PRKN: variants seen among roughly 807,000 people sequenced by gnomAD.
The protein encoded by PRKN is E3 ubiquitin-protein ligase parkin.
A neutral mutation model predicts 59.5 loss-of-function variants in PRKN; 56 were observed. That is an observed-to-expected ratio of 0.94 (90% confidence interval 0.76 to 1.18). The LOEUF (loss-of-function observed/expected upper bound fraction) is 1.18, where lower values mean the gene tolerates loss of function less well. PRKN is among the 50% of genes most tolerant of loss of function. The pLI is 0.00. For missense variants in PRKN, 657 were observed against 596.4 expected (o/e 1.10, Z -1.06); for synonymous variants, 250 against 222.1 (o/e 1.13, Z -1.12).
At chr6:161,961,556 T>C (rs1780378814) in intron 6 of PRKN, among the ~76,000 whole-genome samples, 1 of 152,166 alleles carries the variant, frequency 6.6e-6, no homozygotes, top group African/African-American at 2.4e-5. Context: ...TCTACCACGA[T>C]ACAGTGAAAA....
chr6:162,610,137 T>A (rs1252781056), intron 1 of PRKN, among the ~76,000 whole-genome samples: 1 of 152,206 alleles, frequency 6.6e-6, no homozygotes, highest in African/African-American at 2.4e-5. Flanking sequence ...TTATAAATGC[T>A]CTGCAAATAT....
At chr6:162,642,021 T>G (rs1324725729) in intron 1 of PRKN, among the ~76,000 whole-genome samples, 1 of 152,220 alleles carries the variant, frequency 6.6e-6, no homozygotes, top group Non-Finnish European at 1.5e-5. Context: ...TTGGGACTAG[T>G]CTTGTTTTTT....
chr6:162,188,543 A>C (rs970088368), intron 4 of PRKN, among the ~76,000 whole-genome samples: 7 of 152,194 alleles, frequency 4.6e-5, no homozygotes, highest in African/African-American at 1.7e-4. Context: ...TCCTGGTCCT[A>C]CTTAAGAGCA....
At chr6:162,561,276 T>G (rs1779827221) in intron 1 of PRKN, among the ~76,000 whole-genome samples, 1 of 152,298 alleles carries the variant, frequency 6.6e-6, no homozygotes, top group African/African-American at 2.4e-5. Context: ...GGTCACATTT[T>G]TCATTGTAAA....
rs116259863 is a variant in PRKN, at chr6:162,640,780, G to T, written c.7+86882C>A. 6.0e-3 allele frequency among the ~76,000 whole-genome samples: 912 copies of T among 152,272 alleles called. 10 individuals are homozygous for T. Among genetic ancestry groups the T allele is most frequent in the African/African-American group, 0.021 (867 of 41,568 alleles). On this transcript the variant is annotated intron_variant, in intron 1 of 11. Coordinates refer to ENST00000366898, the MANE Select transcript of PRKN (RefSeq NM_004562.3). ...CTGTGCTTGACAATTCCCTGAAGGG[G>T]CAATGGTTCATAATGCTGGTACAGG... is the stretch of plus-strand genomic sequence containing the variant.
chr6:161,650,684 C>T (rs765054622), intron 7 of PRKN, among the ~76,000 whole-genome samples: 9 of 152,174 alleles, frequency 5.9e-5, no homozygotes, highest in Non-Finnish European at 1.0e-4. Context: ...TGAGGAATTT[C>T]GGCAAATCTC....
At chr6:162,455,069 A>C (rs1790804513) in intron 1 of PRKN, among the ~76,000 whole-genome samples, 2 of 152,344 alleles carry the variant, frequency 1.3e-5, no homozygotes, top group East Asian at 1.9e-4. Context: ...TAACTCTCAT[A>C]GCTCTTCTAC....
chr6:162,522,003 G>A (rs756165896), intron 1 of PRKN, among the ~76,000 whole-genome samples: 39 of 152,210 alleles, frequency 2.6e-4, no homozygotes, highest in Non-Finnish European at 4.6e-4. Flanking sequence ...TTATAAAGAT[G>A]TAACTCACTT....
chr6:162,080,047 C>T lies in PRKN; in HGVS notation c.535-25873G>A, dbSNP rs1045690765. ...GTGACTGCATTTCCCTAGGATTCTT[C>T]CCCAGCAACTGAGACTGATGGAAAC... On this transcript the variant is annotated intron_variant, in intron 4 of 11. Transcript: ENST00000366898. Among the ~76,000 whole-genome samples, 109 of 152,150 alleles carry T rather than the reference C, an allele frequency of 7.2e-4. 1 individual carries two copies. Among genetic ancestry groups the T allele is most frequent in the African/African-American group, 2.4e-3 (100 of 41,468 alleles).
intron 1 of PRKN, among the ~76,000 whole-genome samples, chr6:162,483,371 T>C (rs138624664): frequency 3.3e-5 from 5 of 152,172 alleles, no homozygotes; most frequent in South Asian, 4.2e-4. Context: ...TAAAAACACA[T>C]AGAACTGTGC....
In PRKN at chr6:161,457,896, A is replaced by G. The variant is rs1402376297; in HGVS notation, c.1084-71019T>C. Among the ~76,000 whole-genome samples the G allele has an allele frequency of 6.6e-6, 1 of 152,216 alleles. No individual in the cohort carries two copies. The highest frequency in any genetic ancestry group is 2.4e-5 in the African/African-American group (1 of 41,458). ...TCTTTCCTTTGTAGTTTTTTGGGAA[A>G]AGGACGCCAATAATCAAAAGACCTG... On this transcript the variant is annotated intron_variant, in intron 9 of 11. Transcript: ENST00000366898. This position sits in a 1 kb window ranked among gnomAD's most constrained non-coding sequence, Gnocchi z 5.0.
At chr6:161,967,737 C>A (rs1480527693) in intron 6 of PRKN, among the ~76,000 whole-genome samples, 1 of 152,126 alleles carries the variant, frequency 6.6e-6, no homozygotes, top group Non-Finnish European at 1.5e-5. Context: ...GTCACAGCTA[C>A]CTTTGTGGCT....
intron 9 of PRKN, among the ~76,000 whole-genome samples, chr6:161,392,400 G>A (rs1437667937): frequency 1.3e-5 from 2 of 151,640 alleles, no homozygotes; most frequent in Non-Finnish European, 2.9e-5. Flanking sequence ...AAAAGAAAAA[G>A]AAAAAATTTA....
intron 7 of PRKN, among the ~76,000 whole-genome samples, chr6:161,774,206 A>G (rs1464590227): frequency 6.6e-6 from 1 of 151,934 alleles, no homozygotes; most frequent in African/African-American, 2.4e-5. Flanking sequence ...CACTTGATTG[A>G]GTGTTGTTCC....
intron 2 of PRKN, among the ~76,000 whole-genome samples, chr6:162,378,702 A>C (rs751909368): frequency 9.2e-5 from 14 of 152,226 alleles, no homozygotes; most frequent in Non-Finnish European, 1.9e-4. Flanking sequence ...ACTTTATTAC[A>C]AGAAGAAACA....
At chr6:162,176,352 A>G (rs1403273006) in intron 4 of PRKN, among the ~76,000 whole-genome samples, 1 of 152,236 alleles carries the variant, frequency 6.6e-6, no homozygotes. Flanking sequence ...TGCAGTCACT[A>G]GACTCAAATA....
chr6:162,471,258 C>T (rs557729891), intron 1 of PRKN, among the ~76,000 whole-genome samples: 13 of 151,192 alleles, frequency 8.6e-5, no homozygotes, highest in Middle Eastern at 7.0e-3. Context: ...CCACCGCTCC[C>T]GGCTAATTTT....
chr6:161,639,049 C>T (rs575658473), intron 7 of PRKN, among the ~76,000 whole-genome samples: 1 of 152,214 alleles, frequency 6.6e-6, no homozygotes, highest in East Asian at 1.9e-4. Context: ...GCCGATCTGA[C>T]GGTTTTTCCC....
intron 1 of PRKN, among the ~76,000 whole-genome samples, chr6:162,606,458 G>A (rs927890005): frequency 1.3e-5 from 2 of 152,166 alleles, no homozygotes; most frequent in African/African-American, 4.8e-5. Context: ...ATGGGTACTT[G>A]AAGTAACGTT....
Sources: allele counts gnomAD v4.1 joint callset (sites outside exome capture counted in the v4.1 genomes callset), GRCh38; gene constraint gnomAD v4.1.1; non-coding constraint Gnocchi (gnomAD v3.1); transcripts MANE v1.5; gene names NCBI Gene and HGNC (gene_info 2026-07-23, HGNC 2026-07-21).